SMIM41: variants seen among roughly 807,000 people sequenced by gnomAD.
The protein encoded by SMIM41 is small integral membrane protein 41.
In SMIM41 at chr12:52,107,585, C is replaced by A; in HGVS notation, c.*402C>A. 1 of 692,766 alleles carries A rather than the reference C, an allele frequency of 1.4e-6. No individual in the cohort carries two copies. Among genetic ancestry groups the A allele is most frequent in the Admixed American group, 1.8e-5 (1 of 54,256 alleles). The allele number at this position is 692,766 out of a possible 1,614,324, so 42.9% of individuals were successfully genotyped here. ...CGGTCCCCCAGATGACTGTGGACAT[C>A]CAGTCTCGCAGCAGAGTCATCTCCT... On this transcript the variant is annotated 3_prime_UTR_variant, in exon 3 of 3. Transcript: ENST00000546390.
Position 52,079,932 on chromosome 12 carries a change from C to G in SMIM41, c.153C>G (p.Val51=), listed in dbSNP as rs1939792912. ...TGTCCCTGCTGGTGCTTTGCGGGGT[C>G]CTGTTCCTGGGCGGCGGCCTCCTCC... ...GVLSLLVLCG[V]LFLGGGLLLR... Residue 51 remains valine, a synonymous_variant, in exon 1 of 3, where the codon GTC becomes GTG. Coordinates refer to ENST00000546390, the MANE Select transcript of SMIM41 (RefSeq NM_001369216.1). 2 of 387,412 alleles carry G rather than the reference C, an allele frequency of 5.2e-6. No individual in the cohort carries two copies. The highest frequency in any genetic ancestry group is 9.1e-6 in the Non-Finnish European group (2 of 218,826). 24.0% of individuals were successfully genotyped at this position (387,412 alleles called of 1,614,324 possible).
intron 2 of SMIM41, among the ~76,000 whole-genome samples, chr12:52,095,539 T>C (rs1280639481): frequency 6.6e-6 from 1 of 151,862 alleles, no homozygotes; most frequent in African/African-American, 2.4e-5. Context: ...ATCACAGGAG[T>C]GTTTCTACCC....
intron 2 of SMIM41, among the ~76,000 whole-genome samples, chr12:52,095,329 C>T (rs1352991809): frequency 6.6e-6 from 1 of 151,524 alleles, no homozygotes; most frequent in African/African-American, 2.4e-5. Context: ...GGCGGGCGCC[C>T]CCCGCGATTC....
In SMIM41 at chr12:52,081,968, C is replaced by A; in HGVS notation, c.*120+1787C>A. 6.6e-6 allele frequency: 1 copy of A among 152,418 alleles called. No homozygotes were observed. 9.4% of individuals were successfully genotyped at this position (152,418 alleles called of 1,614,324 possible). On this transcript the variant is annotated intron_variant, in intron 1 of 2. Transcript: ENST00000546390. This position sits in a 1 kb window ranked among gnomAD's most constrained non-coding sequence, Gnocchi z 4.1. ...GCTGGTGCAAAACGCGGCCTCTCTT[C>A]ATACATTTGCGAATCAGGGATGGAC...
chr12:52,102,985 C>T (rs1255059301), intron 2 of SMIM41, among the ~76,000 whole-genome samples: 1 of 152,184 alleles, frequency 6.6e-6, no homozygotes, highest in Non-Finnish European at 1.5e-5. Context: ...AATGAAAAAA[C>T]ACGCTGCAGT....
At position 52,098,891 on chromosome 12, in the gene SMIM41, C is replaced by G. The variant is rs146052295; in HGVS notation, c.*196-8488C>G. 1.4e-3 allele frequency among the ~76,000 whole-genome samples: 218 copies of G among 152,082 alleles called. 1 individual carries two copies. In the East Asian group the frequency reaches 0.028, roughly 19 times the overall value. Reference sequence around the variant, plus strand: ...TCCCAGGGTATTCAGAACAATATTACAGGAGGGGTGTACACCCTTTGCGAT... The same window carrying G: ...TCCCAGGGTATTCAGAACAATATTAGAGGAGGGGTGTACACCCTTTGCGAT... On this transcript the variant is annotated intron_variant, in intron 2 of 2. Coordinates refer to ENST00000546390, the MANE Select transcript of SMIM41 (RefSeq NM_001369216.1).
At chr12:52,089,105 G>A (rs1278099611) in intron 2 of SMIM41, among the ~76,000 whole-genome samples, 1 of 152,030 alleles carries the variant, frequency 6.6e-6, no homozygotes, top group African/African-American at 2.4e-5. Flanking sequence ...TGTGCTGCCT[G>A]CTTTCTTGTG....
In SMIM41 at chr12:52,080,030, C is replaced by T. The variant is rs1034659953; in HGVS notation, c.251C>T (p.Ala84Val). ...TCCCGCGAGCCCGAGCCGGGCAGTG[C>T]CAGCGGAGAGGACGGCGACGACGAC... The part of the protein sequence containing the change: ...RASREPEPGS[A>V]SGEDGDDDS The change falls in exon 1 of 3, where the codon GCC becomes GTC. Residue 84 changes from alanine (A) to valine (V), a missense_variant. Coordinates refer to ENST00000546390, the MANE Select transcript of SMIM41 (RefSeq NM_001369216.1). 14 of 370,026 alleles carry T rather than the reference C, an allele frequency of 3.8e-5. No homozygotes were observed. Among genetic ancestry groups the T allele is most frequent in the African/African-American group, 2.9e-4 (14 of 47,470 alleles). 22.9% of individuals were successfully genotyped at this position (370,026 alleles called of 1,614,324 possible).
intron 2 of SMIM41, among the ~76,000 whole-genome samples, chr12:52,098,997 G>T (rs12308859): frequency 0.27 from 40,785 of 151,790 alleles, 6,321 homozygotes; most frequent in East Asian, 0.55. Context: ...GCGATATCGG[G>T]AGTAATATCA....
At chr12:52,082,619 T>G (rs1939834864) in intron 1 of SMIM41, among the ~76,000 whole-genome samples, 1 of 151,896 alleles carries the variant, frequency 6.6e-6, no homozygotes, top group Admixed American at 6.6e-5. Flanking sequence ...TGGGTGCAGG[T>G]CTGAGTGCCA....
At chr12:52,095,554 C>T (rs1224939458) in intron 2 of SMIM41, among the ~76,000 whole-genome samples, 1 of 152,098 alleles carries the variant, frequency 6.6e-6, no homozygotes, top group African/African-American at 2.4e-5. Flanking sequence ...CTACCCCCAG[C>T]GGCATTGGGT....
intron 2 of SMIM41, among the ~76,000 whole-genome samples, chr12:52,095,924 G>A (rs538911002): frequency 6.6e-6 from 1 of 151,854 alleles, no homozygotes; most frequent in Non-Finnish European, 1.5e-5. Context: ...TACACTTTCT[G>A]TGATATTGGG....
At chr12:52,094,389 G>C (rs1940056196) in intron 2 of SMIM41, among the ~76,000 whole-genome samples, 1 of 151,928 alleles carries the variant, frequency 6.6e-6, no homozygotes, top group African/African-American at 2.4e-5. Context: ...TTTTAGTAGA[G>C]ACAGGGTTTC....
chr12:52,086,281 G>A (rs1939891527), intron 2 of SMIM41, among the ~76,000 whole-genome samples: 1 of 152,058 alleles, frequency 6.6e-6, no homozygotes, highest in South Asian at 2.1e-4. Flanking sequence ...AAGTGGGGAA[G>A]CCTTCTGCCC....
In SMIM41 at chr12:52,107,772, GCTGT is replaced by G. The variant is rs1274171650; in HGVS notation, c.*592_*595del. The stretch of plus-strand genomic sequence containing the variant: ...TGTGTTTCTGTGGCTTCCTAGTTTT[GCTGT>G]CTTTTTTTTTTCTCAGTCTTTTAGA... On this transcript the variant is annotated 3_prime_UTR_variant, in exon 3 of 3. Coordinates refer to ENST00000546390, the MANE Select transcript of SMIM41 (RefSeq NM_001369216.1). The G allele has an allele frequency of 2.7e-6, 1 of 375,992 alleles. No individual in the cohort carries two copies. The highest frequency in any genetic ancestry group is 5.0e-6 in the Non-Finnish European group (1 of 198,502). 23.3% of individuals were successfully genotyped at this position (375,992 alleles called of 1,614,324 possible).
chr12:52,087,968 A>C (rs903352899), intron 2 of SMIM41, among the ~76,000 whole-genome samples: 4 of 152,152 alleles, frequency 2.6e-5, no homozygotes, highest in African/African-American at 9.7e-5. Context: ...CCTGGATGAA[A>C]ATCGCCACCT....
chr12:52,085,041 C>T (rs1180044474), intron 2 of SMIM41, among the ~76,000 whole-genome samples: 3 of 152,040 alleles, frequency 2.0e-5, no homozygotes, highest in African/African-American at 4.8e-5. Flanking sequence ...ACTGTGTGTG[C>T]GGTGGTGCCA....
chr12:52,095,019 C>T (rs1200815723), intron 2 of SMIM41, among the ~76,000 whole-genome samples: 1 of 150,250 alleles, frequency 6.7e-6, no homozygotes, highest in Non-Finnish European at 1.5e-5. Flanking sequence ...GATCTCCGCT[C>T]ACTGCAACCT....
chr12:52,104,955 G>C (rs1303364454), intron 2 of SMIM41, among the ~76,000 whole-genome samples: 1 of 152,112 alleles, frequency 6.6e-6, no homozygotes, highest in Non-Finnish European at 1.5e-5. Context: ...CCAGTTATTA[G>C]TGCACATTTC....
Sources: allele counts gnomAD v4.1 joint callset (sites outside exome capture counted in the v4.1 genomes callset), GRCh38; gene constraint gnomAD v4.1.1; non-coding constraint Gnocchi (gnomAD v3.1); transcripts MANE v1.5; gene names NCBI Gene and HGNC (gene_info 2026-07-23, HGNC 2026-07-21).